DDAH1: variants seen among roughly 807,000 people sequenced by gnomAD.
DDAH1 encodes the protein dimethylarginine dimethylaminohydrolase 1.
DDAH1 carries 19 observed loss-of-function variants against 28.8 expected under a neutral mutation model. The ratio of observed to expected loss-of-function variants is 0.66; its 90% CI spans 0.46 to 0.97. The LOEUF (loss-of-function observed/expected upper bound fraction) is 0.97, where lower values mean the gene tolerates loss of function less well. Among genes scored for constraint, DDAH1 ranks in the 50% least tolerant of loss-of-function variants. DDAH1 has a pLI of 0.00. For missense variants in DDAH1, 326 were observed against 375.9 expected, an observed-to-expected ratio of 0.87 and a Z score of 1.10; for synonymous variants, 153 against 154.4, an observed-to-expected ratio of 0.99 and a Z score of 0.07.
intron 2 of DDAH1, among the ~76,000 whole-genome samples, chr1:85,357,897 C>A (rs928056167): frequency 1.3e-5 from 2 of 152,208 alleles, no homozygotes; most frequent in African/African-American, 4.8e-5. Context: ...ACATTACACA[C>A]TGTAAAAACT....
intron 2 of DDAH1, 31 bp from the exon 3 acceptor site, chr1:85,351,610 A>T: frequency 6.6e-7 from 1 of 1,519,300 alleles, no homozygotes; most frequent in Non-Finnish European, 9.1e-7. Context: ...CATAGTGAGC[A>T]GGTGGCACCA....
intron 1 of DDAH1, among the ~76,000 whole-genome samples, chr1:85,512,071 T>C (rs1394752106): frequency 6.6e-6 from 1 of 152,056 alleles, no homozygotes; most frequent in Non-Finnish European, 1.5e-5. Flanking sequence ...GACCAATATC[T>C]CTGATGAACA....
At chr1:85,425,246 CTTT>C (rs557789191) in intron 1 of DDAH1, among the ~76,000 whole-genome samples, 2 of 152,056 alleles carry the variant, frequency 1.3e-5, no homozygotes, top group African/African-American at 2.4e-5. Flanking sequence ...TCCATCACTT[CTTT>C]TTTTATTTTT....
intron 1 of DDAH1, among the ~76,000 whole-genome samples, chr1:85,417,743 A>C (rs1410122572): frequency 6.6e-6 from 1 of 152,218 alleles, no homozygotes; most frequent in African/African-American, 2.4e-5. Context: ...TCTAATGCCC[A>C]AATAGTATGT....
intron 1 of DDAH1, among the ~76,000 whole-genome samples, chr1:85,573,651 T>C (rs544869999): frequency 6.6e-6 from 1 of 152,334 alleles, no homozygotes; most frequent in Admixed American, 6.5e-5. Context: ...TTTCCTATCA[T>C]ATTGCCAAGG....
At chr1:85,544,564 C>T (rs911144886) in intron 1 of DDAH1, among the ~76,000 whole-genome samples, 2 of 152,116 alleles carry the variant, frequency 1.3e-5, no homozygotes, top group South Asian at 2.1e-4. Context: ...CTCAGACACC[C>T]AGAAGGCTTC....
At chr1:85,554,284 T>TG (rs1049397577) in intron 1 of DDAH1, among the ~76,000 whole-genome samples, 2 of 149,856 alleles carry the variant, frequency 1.3e-5, no homozygotes, top group African/African-American at 2.5e-5. Flanking sequence ...GAGTTTTTTT[T>TG]TTTTTTTTTT....
chr1:85,566,411 G>A (rs1281174554), intron 1 of DDAH1, among the ~76,000 whole-genome samples: 1 of 150,454 alleles, frequency 6.6e-6, no homozygotes, highest in Non-Finnish European at 1.5e-5. Context: ...AGGATGGCTC[G>A]AGCCTGGGAG....
At chr1:85,450,893 C>T (rs1654643316) in intron 1 of DDAH1, among the ~76,000 whole-genome samples, 1 of 152,136 alleles carries the variant, frequency 6.6e-6, no homozygotes, top group Non-Finnish European at 1.5e-5. Context: ...AGCTTAATGG[C>T]AGAAATATCT....
chr1:85,473,692 T>C (rs1419516018), intron 2 of DDAH1, among the ~76,000 whole-genome samples: 4 of 152,228 alleles, frequency 2.6e-5, no homozygotes, highest in Non-Finnish European at 5.9e-5. Context: ...TTTGCTTCAG[T>C]GATGCTTCTC....
chr1:85,335,968 G>GAAATA (rs139704444), intron 4 of DDAH1, among the ~76,000 whole-genome samples: 12,360 of 143,784 alleles, frequency 0.086, 1,011 homozygotes, highest in African/African-American at 0.21. Flanking sequence ...TCTCTAAAAT[G>GAAATA]AAATAAAATA....
intron 1 of DDAH1, among the ~76,000 whole-genome samples, chr1:85,376,449 T>C (rs190555610): frequency 6.6e-6 from 1 of 152,316 alleles, no homozygotes; most frequent in East Asian, 1.9e-4. Flanking sequence ...TATTTTCTTA[T>C]AATTTTTAAA....
intron 1 of DDAH1, among the ~76,000 whole-genome samples, chr1:85,432,632 C>T (rs1653745737): frequency 6.6e-6 from 1 of 152,048 alleles, no homozygotes; most frequent in African/African-American, 2.4e-5. Context: ...TTATTGCAAA[C>T]CAAAGATAAT....
At chr1:85,354,483 A>G (rs1265517193) in intron 2 of DDAH1, among the ~76,000 whole-genome samples, 1 of 151,974 alleles carries the variant, frequency 6.6e-6, no homozygotes, top group African/African-American at 2.4e-5. Context: ...TTTTTTTATT[A>G]GGAATCTGCA....
chr1:85,501,065 T>C (rs1656801695), intron 1 of DDAH1, among the ~76,000 whole-genome samples: 1 of 152,212 alleles, frequency 6.6e-6, no homozygotes, highest in East Asian at 1.9e-4. Context: ...TCTGAGTATG[T>C]TTCTATTGAC....
chr1:85,350,695 C>T (rs192519490), intron 3 of DDAH1, among the ~76,000 whole-genome samples, 161 bp from the exon 4 acceptor site: 78 of 152,284 alleles, frequency 5.1e-4, no homozygotes, highest in East Asian at 4.6e-3. Flanking sequence ...GCTAGTTAAA[C>T]GAAGACTGCT....
intron 4 of DDAH1, among the ~76,000 whole-genome samples, chr1:85,340,089 A>G (rs1228151328): frequency 6.6e-6 from 1 of 152,186 alleles, no homozygotes; most frequent in Non-Finnish European, 1.5e-5. Flanking sequence ...AGAGAGAGTA[A>G]CAGATGAAAA....
intron 1 of DDAH1, among the ~76,000 whole-genome samples, chr1:85,390,781 C>T (rs1033884460): frequency 1.8e-4 from 27 of 152,310 alleles, no homozygotes; most frequent in African/African-American, 6.0e-4. Context: ...AATTTCTAAA[C>T]ATCTGACAAC....
chr1:85,491,127 A>G lies in DDAH1; in HGVS notation c.-7+5039T>C, dbSNP rs1276232566. Among the ~76,000 whole-genome samples the G allele has an allele frequency of 2.0e-5, 3 of 149,122 alleles. No homozygotes were observed. In the East Asian group the frequency reaches 5.9e-4, roughly 30 times the overall value. On this transcript the variant is annotated intron_variant, in intron 2 of 6. Transcript: ENST00000426972. The stretch of plus-strand genomic sequence containing the variant: ...AGTGGTGTGATCTCCACTCACTGCA[A>G]CTTCTGCCTCCCAGGCTCAAATGAG...
Sources: allele counts gnomAD v4.1 joint callset (sites outside exome capture counted in the v4.1 genomes callset), GRCh38; gene constraint gnomAD v4.1.1; transcripts MANE v1.5; gene names NCBI Gene and HGNC (gene_info 2026-07-23, HGNC 2026-07-21).